PTK6: variants seen among roughly 807,000 people sequenced by gnomAD.
The protein encoded by PTK6 is protein tyrosine kinase 6.
Under a neutral mutation model 47.5 loss-of-function variants are expected in PTK6, and 47 were observed. That is an observed-to-expected ratio of 0.99 (90% CI 0.78 to 1.26). PTK6 has a LOEUF of 1.26. Among genes scored for constraint, PTK6 ranks in the 50% most tolerant of loss-of-function variants. The pLI, the probability that PTK6 is intolerant of heterozygous loss-of-function variation, is 0.00. For missense variants in PTK6, 618 were observed against 625.3 expected (o/e 0.99, Z 0.12); for synonymous variants, 287 against 276.5 (o/e 1.04, Z -0.38).
Position 63,532,489 on chromosome 20 carries a change from G to C in PTK6, c.832+37C>G. The C allele has an allele frequency of 2.5e-6, 4 of 1,577,954 alleles. No individual in the cohort carries two copies. The South Asian group carries it at 3.4e-5, about 13-fold the overall frequency. On this transcript the variant is annotated intron_variant, in intron 5 of 7. Transcript: ENST00000542869. ...GCACTTTATTTCCTCACGTGCCCCC[G>C]CTGCCTCCAGCAAGAGCCCCGGCCC...
chr20:63,533,788 A>G lies in PTK6; in HGVS notation c.517-84T>C. The G allele has an allele frequency of 6.6e-7, 1 of 1,516,200 alleles. No individual in the cohort carries two copies. Among genetic ancestry groups the G allele is most frequent in the Non-Finnish European group, 8.8e-7 (1 of 1,131,866 alleles). The allele number at this position is 1,516,200 out of a possible 1,614,324, so 93.9% of individuals were successfully genotyped here. On this transcript the variant is annotated intron_variant, in intron 3 of 7. Transcript: ENST00000542869. This position sits in a 1 kb window ranked among gnomAD's most constrained non-coding sequence, Gnocchi z 4.0. ...AAGCCAGCACAGGGAGCCTGGATTT[A>G]GCCTCAGATTTAGGGCCACGATCAG...
rs2082614224 is a variant in PTK6, at chr20:63,530,985, G to C, written c.833-58C>G. 6.9e-7 allele frequency: 1 copy of C among 1,458,610 alleles called. No individual in the cohort carries two copies. The highest frequency in any genetic ancestry group is 1.4e-5 in the African/African-American group (1 of 69,624). The allele number at this position is 1,458,610 out of a possible 1,614,324, so 90.4% of individuals were successfully genotyped here. A position where few individuals can be genotyped will look rare whatever the true frequency, so the allele number is the denominator to read the frequency against. On this transcript the variant is annotated intron_variant, in intron 5 of 7. Coordinates refer to ENST00000542869, the MANE Select transcript of PTK6 (RefSeq NM_005975.4). The surrounding 1 kb of genome is among the most constrained non-coding windows in gnomAD (Gnocchi z 4.1). ...AGCTGAGCCAGCTGAGGTGGGGAAG[G>C]GTTGGGGAGGCTGGGCCATGTCTCA...
At chr20:63,534,526 C>T (rs2082649399) in intron 2 of PTK6, among the ~76,000 whole-genome samples, 1 of 152,212 alleles carries the variant, frequency 6.6e-6, no homozygotes, top group African/African-American at 2.4e-5. Flanking sequence ...TGCCCCCGTG[C>T]CAGGCAGCCA....
At chr20:63,532,433 G>A (rs2082632131) in intron 5 of PTK6, 93 bp downstream of exon 5, 11 of 1,408,978 alleles carry the variant, frequency 7.8e-6, no homozygotes, top group African/African-American at 7.8e-5. Context: ...GTGTCTACGT[G>A]TGTGTGTGTG....
rs145345355 is a variant in PTK6 at position 63,534,243 on chromosome 20, G to T, written c.425C>A (p.Ala142Glu). 4 of 1,606,690 alleles carry T rather than the reference G, an allele frequency of 2.5e-6. No individual in the cohort carries two copies. Among genetic ancestry groups the T allele is most frequent in the Non-Finnish European group, 3.4e-6 (4 of 1,177,718 alleles). Residue 142 changes from alanine (A) to glutamate (E), a missense_variant, in exon 3 of 8, where the codon GCG becomes GAG. Ala to Glu is a moderately radical substitution (Grantham distance 107, BLOSUM62 -1). Transcript: ENST00000542869. ...CTCGGGCAGGCTGAGGAAGGACACC[G>T]CCTCGTTCAGGTGCAGCCGGCCCCC... The part of the protein sequence containing the change: ...RAGGRLHLNE[A>E]VSFLSLPELV...
Position 63,537,138 on chromosome 20 carries a change from C to G in PTK6, c.177G>C (p.Gln59His). 1 of 1,611,026 alleles carries G rather than the reference C, an allele frequency of 6.2e-7. No individual in the cohort carries two copies. The highest frequency in any genetic ancestry group is 8.5e-7 in the Non-Finnish European group (1 of 1,179,304). ...CCAGGTAGTTGTGGGGCACATAGCCCTGGGCCACGGCCCCACCCGCCTCGT... is the reference window on the plus strand; with the variant it reads ...CCAGGTAGTTGTGGGGCACATAGCCGTGGGCCACGGCCCCACCCGCCTCGT... The part of the protein sequence containing the change: ...LLDEAGGAVA[Q>H]GYVPHNYLAE... The change falls in exon 1 of 8, where the codon CAG becomes CAC. Residue 59 changes from glutamine (Q) to histidine (H), a missense_variant. Coordinates refer to ENST00000542869, the MANE Select transcript of PTK6 (RefSeq NM_005975.4).
intron 5 of PTK6, among the ~76,000 whole-genome samples, chr20:63,531,340 G>C (rs1194292697): frequency 2.0e-5 from 3 of 147,650 alleles, no homozygotes; most frequent in African/African-American, 5.0e-5. Context: ...AGAATGGCGT[G>C]AACCCGGGAG....
chr20:63,534,037 G>T, intron 3 of PTK6, 115 bp downstream of exon 3: 2 of 1,337,476 alleles, frequency 1.5e-6, no homozygotes, highest in Non-Finnish European at 2.0e-6. Context: ...GTGGGCCCCA[G>T]GTCAGTGAGT....
At chr20:63,531,802 G>T (rs1231362850) in intron 5 of PTK6, among the ~76,000 whole-genome samples, 1 of 152,084 alleles carries the variant, frequency 6.6e-6, no homozygotes, top group Admixed American at 6.5e-5. Flanking sequence ...GCCTGGTGGT[G>T]CCTGTTTTAC....
At chr20:63,536,511 A>G (rs2082668938) in intron 1 of PTK6, among the ~76,000 whole-genome samples, 1 of 151,566 alleles carries the variant, frequency 6.6e-6, no homozygotes, top group African/African-American at 2.4e-5. Context: ...GGATCTCAGG[A>G]GCGTGACCCT....
rs967977678 is a variant in PTK6 at position 63,530,627 on chromosome 20, C to T, written c.1014+119G>A. 7 of 1,288,822 alleles carry T rather than the reference C, an allele frequency of 5.4e-6. No individual in the cohort carries two copies. Among genetic ancestry groups the T allele is most frequent in the South Asian group, 4.3e-5 (3 of 69,160 alleles). 79.8% of individuals were successfully genotyped at this position (1,288,822 alleles called of 1,614,324 possible). A position where few individuals can be genotyped will look rare whatever the true frequency, so the allele number is the denominator to read the frequency against. On this transcript the variant is annotated intron_variant, in intron 6 of 7. Coordinates refer to ENST00000542869, the MANE Select transcript of PTK6 (RefSeq NM_005975.4). This position sits in a 1 kb window ranked among gnomAD's most constrained non-coding sequence, Gnocchi z 4.1. ...CCCACCTCCCTGCCCAGCCTGGGCT[C>T]CCGAGGGCAGGGGCCGCATCCTGCT...
Position 63,537,224 on chromosome 20 carries a change from C to G in PTK6, c.91G>C (p.Ala31Pro). The G allele has an allele frequency of 1.2e-6, 2 of 1,612,416 alleles. No homozygotes were observed. The highest frequency in any genetic ancestry group is 8.5e-7 in the Non-Finnish European group (1 of 1,179,818). The part of the protein sequence containing the change: ...SRTDEELSFR[A>P]GDVFHVARKE... Reference sequence around the variant, plus strand: ...CTGGCCACGTGGAAGACGTCCCCCGCGCGGAAGCTCAGCTCCTCGTCCGTC... The same window carrying G: ...CTGGCCACGTGGAAGACGTCCCCCGGGCGGAAGCTCAGCTCCTCGTCCGTC... The change falls in exon 1 of 8, where the codon GCG becomes CCG. Residue 31 changes from alanine (A) to proline (P), a missense_variant. Physicochemically the swap from Ala to Pro is conservative, Grantham distance 27. Coordinates refer to ENST00000542869, the MANE Select transcript of PTK6 (RefSeq NM_005975.4).
rs2082614430 is a variant in PTK6 at position 63,530,991 on chromosome 20, G to A, written c.833-64C>T. The A allele has an allele frequency of 7.0e-7, 1 of 1,426,756 alleles. No individual in the cohort carries two copies. The highest frequency in any genetic ancestry group is 1.5e-5 in the African/African-American group (1 of 68,720). 88.4% of individuals were successfully genotyped at this position (1,426,756 alleles called of 1,614,324 possible). On this transcript the variant is annotated intron_variant, in intron 5 of 7. Transcript: ENST00000542869. The surrounding 1 kb of genome is among the most constrained non-coding windows in gnomAD (Gnocchi z 4.1). ...GCCAGCTGAGGTGGGGAAGGGTTGG[G>A]GAGGCTGGGCCATGTCTCATCTGCC...
Position 63,533,794 on chromosome 20 carries a change from A to G in PTK6, c.517-90T>C, listed in dbSNP as rs1213953889. The G allele has an allele frequency of 1.3e-6, 2 of 1,499,950 alleles. No homozygotes were observed. The highest frequency in any genetic ancestry group is 1.8e-6 in the Non-Finnish European group (2 of 1,119,744). 92.9% of individuals were successfully genotyped at this position (1,499,950 alleles called of 1,614,324 possible). A position where few individuals can be genotyped will look rare whatever the true frequency, so the allele number is the denominator to read the frequency against. ...GCACAGGGAGCCTGGATTTAGCCTC[A>G]GATTTAGGGCCACGATCAGCCTGGG... On this transcript the variant is annotated intron_variant, in intron 3 of 7. Transcript: ENST00000542869. The surrounding 1 kb of genome is among the most constrained non-coding windows in gnomAD (Gnocchi z 4.0).
Position 63,532,689 on chromosome 20 carries a change from T to G in PTK6, c.671-2A>C. 6.2e-7 allele frequency: 1 copy of G among 1,613,282 alleles called. No homozygotes were observed. Among genetic ancestry groups the G allele is most frequent in the Non-Finnish European group, 8.5e-7 (1 of 1,179,664 alleles). ...GCATCTGCTGGTGCAGGAGGTTGTC[T>G]GCGGGGACGGGTGGCCTCGGTGGAT... On this transcript the variant is annotated splice_acceptor_variant, in intron 4 of 7. Coordinates refer to ENST00000542869, the MANE Select transcript of PTK6 (RefSeq NM_005975.4). LOFTEE classifies it high-confidence loss of function.
chr20:63,534,157 G>A lies in PTK6; in HGVS notation c.511C>T (p.Arg171Trp), dbSNP rs753348065. 4.4e-5 allele frequency: 68 copies of A among 1,549,540 alleles called. 1 individual carries two copies. The highest frequency in any genetic ancestry group is 3.4e-4 in the South Asian group (29 of 84,106). ...SHGLRLAAPC[R>W]KHEPEPLPHW... ...AGTCAGGGCGGAGCGGCTACCTTCC[G>A]GCAGGGCGCGGCCAGCCGCAGGCCG... Residue 171 changes from arginine to tryptophan, a missense_variant, in exon 3 of 8, where the codon CGG becomes TGG. Physicochemically the swap from Arg to Trp is moderately radical, Grantham distance 101. Transcript: ENST00000542869.
In PTK6 at chr20:63,529,713, G is replaced by T; in HGVS notation, c.1179C>A (p.Asn393Lys). ...RGQVPYPGMSNHEAFLRVDAG... is the reference protein window; with the variant it reads ...RGQVPYPGMSKHEAFLRVDAG... Reference sequence around the variant, plus strand: ...CGTCCACCCTCAGGAAGGCCTCATGGTTGGACATGCCTGCGGCCGACAGGG... The same window carrying T: ...CGTCCACCCTCAGGAAGGCCTCATGTTTGGACATGCCTGCGGCCGACAGGG... The change falls in exon 8 of 8, where the codon AAC (asparagine) becomes AAA (lysine). Residue 393 changes from asparagine (N) to lysine (K), a missense_variant. By Grantham distance (94) the Asn-to-Lys change is moderately conservative. Coordinates refer to ENST00000542869, the MANE Select transcript of PTK6 (RefSeq NM_005975.4). The surrounding 1 kb of genome is among the most constrained non-coding windows in gnomAD (Gnocchi z 5.6). The T allele has an allele frequency of 6.5e-7, 1 of 1,542,970 alleles. No individual in the cohort carries two copies. Among genetic ancestry groups the T allele is most frequent in the Non-Finnish European group, 8.7e-7 (1 of 1,144,888 alleles).
At position 63,529,913 on chromosome 20, in the gene PTK6, C is replaced by T; in HGVS notation, c.1168+165G>A. 3 of 1,103,976 alleles carry T rather than the reference C, an allele frequency of 2.7e-6. No individual in the cohort carries two copies. Among genetic ancestry groups the T allele is most frequent in the Non-Finnish European group, 3.8e-6 (3 of 791,062 alleles). 68.4% of individuals were successfully genotyped at this position (1,103,976 alleles called of 1,614,324 possible). A position where few individuals can be genotyped will look rare whatever the true frequency, so the allele number is the denominator to read the frequency against. On this transcript the variant is annotated intron_variant, in intron 7 of 7. Transcript: ENST00000542869. The surrounding 1 kb of genome is among the most constrained non-coding windows in gnomAD (Gnocchi z 5.6). ...CAGGGCTCCAACAGGCAGCTCCAGGCACCAGCCTGGGTGCTCAGAGAATGG... is the reference window on the plus strand; with the variant it reads ...CAGGGCTCCAACAGGCAGCTCCAGGTACCAGCCTGGGTGCTCAGAGAATGG...
rs1249968227 is a variant in PTK6, at chr20:63,537,240, C to T, written c.75G>A (p.Glu25=). 1.9e-6 allele frequency: 3 copies of T among 1,612,324 alleles called. No individual in the cohort carries two copies. The highest frequency in any genetic ancestry group is 1.7e-5 in the Admixed American group (1 of 59,972). ...GLWDFKSRTD[E]ELSFRAGDVF... is the part of the protein sequence containing the mutation. ...CGTCCCCCGCGCGGAAGCTCAGCTC[C>T]TCGTCCGTCCGGGACTTGAAGTCCC... The change falls in exon 1 of 8, where the codon GAG becomes GAA. Residue 25 remains glutamate, a synonymous_variant. Transcript: ENST00000542869.
Sources: gnomAD v4.1 joint callset for allele counts (sites outside exome capture counted in the v4.1 genomes callset) on GRCh38, gnomAD v4.1.1 for gene constraint, Gnocchi (gnomAD v3.1) non-coding constraint, MANE v1.5 for transcripts, NCBI Gene and HGNC (gene_info 2026-07-23, HGNC 2026-07-21) for gene names.